The following DCAF8L2 variants were observed in gnomAD, a reference collection of about 807,000 sequenced individuals.
The protein encoded by DCAF8L2 is DDB1 and CUL4 associated factor 8 like 2, also known as DDB1- and CUL4-associated factor 8-like protein 2.
For missense variants in DCAF8L2, 430 were observed against 490.7 expected, an observed-to-expected ratio of 0.88 and a Z score of 1.17; for synonymous variants, 200 against 190.9, an observed-to-expected ratio of 1.05 and a Z score of -0.39.
At chrX:27,578,584 C>A in the DCAF8L2 span, among the ~76,000 whole-genome samples, 1 of 111,778 alleles carries the variant, frequency 8.9e-6, no homozygotes, top group African/African-American at 3.3e-5. Flanking sequence ...AGAGCTTCTA[C>A]ACAGCAAGAG....
rs1362292622 is a variant in DCAF8L2 at position 27,677,897 on chromosome X, C to T, written c.-158C>T. On this transcript the variant is annotated 5_prime_UTR_variant, in exon 3 of 5. Coordinates refer to ENST00000451261, the MANE Select transcript of DCAF8L2 (RefSeq NM_001353450.2). ...TGAACTTTCTGACCATACTGTGGAG[C>T]GGTGCTAATAAGGAGGTAAGAGTGG... The T allele has an allele frequency of 1.8e-5, 2 of 111,267 alleles. No individual in the cohort carries two copies. Among genetic ancestry groups the T allele is most frequent in the Non-Finnish European group, 3.8e-5 (2 of 52,960 alleles). 9.2% of individuals were successfully genotyped at this position (111,267 alleles called of 1,213,427 possible).
chrX:27,533,144 A>G, the DCAF8L2 span, among the ~76,000 whole-genome samples: 1,019 of 22,796 alleles, frequency 0.045, 93 homozygotes, highest in African/African-American at 0.087. Flanking sequence ...GGAAGGAAGA[A>G]AGAGAGAGAG....
At chrX:27,474,927 A>T in the DCAF8L2 span, among the ~76,000 whole-genome samples, 1 of 110,382 alleles carries the variant, frequency 9.1e-6, no homozygotes, top group Non-Finnish European at 1.9e-5. Flanking sequence ...AAAAAAAGGG[A>T]CTCTGAATTG....
intron 1 of DCAF8L2, among the ~76,000 whole-genome samples, chrX:27,617,782 C>T (rs1416342722): frequency 9.0e-6 from 1 of 111,238 alleles, no homozygotes; most frequent in Non-Finnish European, 1.9e-5. Context: ...AAATCACTGC[C>T]TTTTATGATT....
intron 2 of DCAF8L2, among the ~76,000 whole-genome samples, chrX:27,649,660 T>C (rs1160603200): frequency 8.9e-6 from 1 of 111,998 alleles, no homozygotes; most frequent in Non-Finnish European, 1.9e-5. Flanking sequence ...TGTTTGGTTT[T>C]TGTTTGTTAT....
chrX:27,530,964 G>A, the DCAF8L2 span, among the ~76,000 whole-genome samples: 1 of 111,326 alleles, frequency 9.0e-6, no homozygotes, highest in East Asian at 2.8e-4. Flanking sequence ...CTCCCCTGAT[G>A]ACCAGTATTG....
intron 2 of DCAF8L2, among the ~76,000 whole-genome samples, chrX:27,639,901 G>A (rs773594042): frequency 1.1e-4 from 12 of 111,010 alleles, no homozygotes; most frequent in Admixed American, 3.8e-4. Context: ...TGTTTCAGGC[G>A]TTGTACTATT....
chrX:27,741,058 A>G (rs1921818951), intron 4 of DCAF8L2, among the ~76,000 whole-genome samples: 1 of 111,936 alleles, frequency 8.9e-6, no homozygotes, highest in Non-Finnish European at 1.9e-5. Context: ...ATATAAAGTG[A>G]ATCGATGATA....
At chrX:27,713,945 A>C (rs907063083) in intron 3 of DCAF8L2, among the ~76,000 whole-genome samples, 1 of 111,833 alleles carries the variant, frequency 8.9e-6, no homozygotes, top group African/African-American at 3.2e-5. Flanking sequence ...AGAGATTATC[A>C]GTTGATCAAA....
intron 3 of DCAF8L2, among the ~76,000 whole-genome samples, chrX:27,697,137 G>A (rs946976859): frequency 4.5e-5 from 5 of 111,162 alleles, no homozygotes; most frequent in African/African-American, 6.6e-5. Flanking sequence ...AAAATTTTCC[G>A]CAAAGTAAAC....
chrX:27,482,870 A>G, the DCAF8L2 span, among the ~76,000 whole-genome samples: 1 of 111,436 alleles, frequency 9.0e-6, no homozygotes, highest in Non-Finnish European at 1.9e-5. Flanking sequence ...TTACCACTCC[A>G]TATTTACAAT....
the DCAF8L2 span, among the ~76,000 whole-genome samples, chrX:27,533,140 A>AAAGAGAG: frequency 7.4e-5 from 2 of 26,865 alleles, no homozygotes; most frequent in African/African-American, 3.5e-4. Flanking sequence ...GGAAGGAAGG[A>AAAGAGAG]AGAAAGAGAG....
chrX:27,481,976 T>C, the DCAF8L2 span, among the ~76,000 whole-genome samples: 1 of 111,858 alleles, frequency 8.9e-6, no homozygotes, highest in African/African-American at 3.2e-5. Context: ...TTTAGATGAA[T>C]GTGCTTTCTT....
At chrX:27,739,687 C>A (rs1010389150) in intron 4 of DCAF8L2, among the ~76,000 whole-genome samples, 1 of 111,997 alleles carries the variant, frequency 8.9e-6, no homozygotes, top group African/African-American at 3.3e-5. Flanking sequence ...GTTTCGTGGA[C>A]ATTTTTACAC....
chrX:27,744,981 C>G (rs1212127490), intron 4 of DCAF8L2, among the ~76,000 whole-genome samples: 1 of 112,007 alleles, frequency 8.9e-6, no homozygotes, highest in Non-Finnish European at 1.9e-5. Flanking sequence ...TCCTTTAGAG[C>G]AAAGCGAAAT....
rs766501973 is a variant in DCAF8L2, at chrX:27,747,269, GGGAGGAGGAGGAAGAGGAGGA to G, written c.387_407del (p.Glu141_Glu147del). ...GACGAAGAGATACAAGAGGAGGGAG[GGGAGGAGGAGGAAGAGGAGGA>G]GGAGGAGGAGGAGGAGGAGGAGGAG... On this transcript the variant is annotated inframe_deletion, in exon 5 of 5. Transcript: ENST00000451261. 1.7e-4 allele frequency: 188 copies of G among 1,100,280 alleles called. No individual in the cohort carries two copies. The highest frequency in any genetic ancestry group is 2.6e-4 in the Middle Eastern group (1 of 3,787). 90.7% of individuals were successfully genotyped at this position (1,100,280 alleles called of 1,213,427 possible). A position where few individuals can be genotyped will look rare whatever the true frequency, so the allele number is the denominator to read the frequency against.
the DCAF8L2 span, among the ~76,000 whole-genome samples, chrX:27,540,738 A>T: frequency 8.9e-6 from 1 of 112,024 alleles, no homozygotes; most frequent in Non-Finnish European, 1.9e-5. Flanking sequence ...CTCAACACAA[A>T]TGAAATGATA....
At chrX:27,584,079 T>C in the DCAF8L2 span, among the ~76,000 whole-genome samples, 1 of 111,995 alleles carries the variant, frequency 8.9e-6, no homozygotes, top group Admixed American at 9.5e-5. Flanking sequence ...TACAGATTTA[T>C]GATTACCAAC....
In DCAF8L2 at chrX:27,747,551, G is replaced by C; in HGVS notation, c.656G>C (p.Arg219Pro). ...CGARAFVQRF[R>P]LQYRLADHVG... ...GCAAGAGCCTTTGTGCAGCGTTTCCGCCTGCAATATCGTCTTGCAGACCAT... is the reference window on the plus strand; with the variant it reads ...GCAAGAGCCTTTGTGCAGCGTTTCCCCCTGCAATATCGTCTTGCAGACCAT... Residue 219 changes from arginine (R) to proline (P), a missense_variant, in exon 5 of 5, where the codon CGC (arginine) becomes CCC (proline). Transcript: ENST00000451261. 8.4e-7 allele frequency: 1 copy of C among 1,185,327 alleles called. No individual in the cohort carries two copies. The highest frequency in any genetic ancestry group is 1.1e-6 in the Non-Finnish European group (1 of 881,790).
Sources: allele counts gnomAD v4.1 joint callset (sites outside exome capture counted in the v4.1 genomes callset), GRCh38; gene constraint gnomAD v4.1.1; transcripts MANE v1.5; gene names NCBI Gene and HGNC (gene_info 2026-07-23, HGNC 2026-07-21).